SUPT3H: variants seen among roughly 807,000 people sequenced by gnomAD.
The protein encoded by SUPT3H is transcription initiation protein SPT3 homolog.
Under a neutral mutation model 44.3 loss-of-function variants are expected in SUPT3H, and 44 were observed. The observed-to-expected ratio is 0.99, with a 90% CI of 0.78 to 1.28. The LOEUF is 1.28. Ranked by LOEUF, SUPT3H falls within the 50% of genes most tolerant of loss-of-function variation. The probability of loss-of-function intolerance (pLI) is 0.00; values close to 1 mark genes in which losing one functional copy is unlikely to be tolerated. For synonymous variants in SUPT3H, 124 were observed against 125.6 expected, an observed-to-expected ratio of 0.99 and a Z score of 0.09; for missense variants, 380 against 387.1, an observed-to-expected ratio of 0.98 and a Z score of 0.15.
intron 2 of SUPT3H, among the ~76,000 whole-genome samples, chr6:45,166,550 A>G (rs2153603899): frequency 7.0e-6 from 1 of 143,260 alleles, no homozygotes; most frequent in Middle Eastern, 3.6e-3. Flanking sequence ...GGGCCACTGC[A>G]CTCCAGCCTG....
intron 3 of SUPT3H, chr6:45,098,915 G>A: frequency 1.9e-6 from 1 of 527,580 alleles, no homozygotes; most frequent in South Asian, 1.4e-5. Flanking sequence ...ATAAAATGGG[G>A]AAGATCCCAA....
chr6:44,857,346 T>C lies in SUPT3H; in HGVS notation c.913-27489A>G, dbSNP rs1268816171. Among the ~76,000 whole-genome samples the C allele has an allele frequency of 2.6e-5, 4 of 152,170 alleles. No individual in the cohort carries two copies. The East Asian group carries it at 5.8e-4, about 22-fold the overall frequency. On this transcript the variant is annotated intron_variant, in intron 10 of 10. Transcript: ENST00000371459. ...CACATTCTCTTAAGCTCGTATGGGT[T>C]TGTGAAAGAAAGGGATGTTCTACTG...
intron 5 of SUPT3H, among the ~76,000 whole-genome samples, chr6:45,011,548 T>C (rs1315899822): frequency 6.6e-6 from 1 of 151,918 alleles, no homozygotes; most frequent in East Asian, 1.9e-4. Context: ...ACTTACCTCA[T>C]TCGTGTCATT....
In SUPT3H at chr6:45,237,264, T is replaced by C. The variant is rs563540159; in HGVS notation, c.101+127937A>G. Among the ~76,000 whole-genome samples, 8 of 152,196 alleles carry C rather than the reference T, an allele frequency of 5.3e-5. No individual in the cohort carries two copies. The East Asian group carries it at 5.8e-4, about 11-fold the overall frequency. ...ACATTTCAATCATTTCTCTACAGCA[T>C]TGGCTGTTCACGTAGTCAATTCAAC... On this transcript the variant is annotated intron_variant, in intron 2 of 10. Transcript: ENST00000371459.
At chr6:44,927,247 A>C (rs957523588) in intron 10 of SUPT3H, among the ~76,000 whole-genome samples, 1 of 152,172 alleles carries the variant, frequency 6.6e-6, no homozygotes, top group Non-Finnish European at 1.5e-5. Flanking sequence ...CTAAATTATT[A>C]ATATGTATAT....
intron 2 of SUPT3H, among the ~76,000 whole-genome samples, chr6:45,196,242 A>T (rs1815996409): frequency 6.6e-6 from 1 of 152,030 alleles, no homozygotes; most frequent in South Asian, 2.1e-4. Context: ...CAGCTGTTTA[A>T]AATTTATTTT....
intron 5 of SUPT3H, among the ~76,000 whole-genome samples, chr6:45,009,811 G>A (rs1381194706): frequency 6.6e-6 from 1 of 152,112 alleles, no homozygotes; most frequent in Admixed American, 6.6e-5. Flanking sequence ...ACCTAGATGA[G>A]TCATTTCCAT....
At chr6:44,888,567 C>G (rs144896060) in intron 10 of SUPT3H, among the ~76,000 whole-genome samples, 50,943 of 151,956 alleles carry the variant, frequency 0.34, 9,485 homozygotes, top group Admixed American at 0.41. Context: ...ATTCAACAAC[C>G]CTTCATGCTA....
intron 6 of SUPT3H, among the ~76,000 whole-genome samples, chr6:44,994,674 A>G (rs73447433): frequency 0.12 from 17,843 of 152,062 alleles, 1,235 homozygotes; most frequent in African/African-American, 0.19. Context: ...GGACAAAGGC[A>G]TTCTCTCTCC....
chr6:45,074,340 G>T (rs1051399257), intron 3 of SUPT3H, among the ~76,000 whole-genome samples: 3 of 151,668 alleles, frequency 2.0e-5, no homozygotes, highest in African/African-American at 7.3e-5. Flanking sequence ...TTGACCTTTG[G>T]GTATGCAAAG....
chr6:45,178,330 A>C (rs1446950085), intron 2 of SUPT3H, among the ~76,000 whole-genome samples: 2 of 152,178 alleles, frequency 1.3e-5, no homozygotes, highest in Non-Finnish European at 2.9e-5. Context: ...GCCATTACAT[A>C]ATGGTAAAGG....
chr6:45,067,532 C>T (rs1429358797), intron 3 of SUPT3H, among the ~76,000 whole-genome samples: 1 of 150,766 alleles, frequency 6.6e-6, no homozygotes, highest in African/African-American at 2.4e-5. Context: ...AGGCAACCAA[C>T]AAAATGGGAG....
At chr6:45,345,586 T>G (rs1201766872) in intron 2 of SUPT3H, among the ~76,000 whole-genome samples, 1 of 152,146 alleles carries the variant, frequency 6.6e-6, no homozygotes. Flanking sequence ...TCTAATCTCA[T>G]AAATCCCCAA....
downstream of SUPT3H, among the ~76,000 whole-genome samples, chr6:44,825,429 C>T (rs1561837470): frequency 6.6e-6 from 1 of 152,164 alleles, no homozygotes; most frequent in African/African-American, 2.4e-5. Flanking sequence ...GAAATCTCTA[C>T]TCCAGTACAG....
chr6:45,291,694 T>A (rs11965520), intron 2 of SUPT3H, among the ~76,000 whole-genome samples: 33,336 of 152,030 alleles, frequency 0.22, 4,474 homozygotes, highest in Non-Finnish European at 0.31. Flanking sequence ...GAAGAAAAAT[T>A]CAGAGCTTGA....
chr6:44,845,203 T>G (rs1420365705), intron 10 of SUPT3H, among the ~76,000 whole-genome samples: 2 of 152,166 alleles, frequency 1.3e-5, no homozygotes, highest in Non-Finnish European at 2.9e-5. Flanking sequence ...ATTGAATGCT[T>G]ACTAGTACCA....
intron 2 of SUPT3H, among the ~76,000 whole-genome samples, chr6:45,137,362 T>C (rs1562530650): frequency 1.3e-5 from 2 of 151,884 alleles, no homozygotes; most frequent in African/African-American, 4.8e-5. Context: ...GGGGTAAACA[T>C]AAAAGACTCT....
chr6:45,068,946 A>G (rs1285817216), intron 3 of SUPT3H, among the ~76,000 whole-genome samples: 2 of 151,824 alleles, frequency 1.3e-5, no homozygotes, highest in Admixed American at 1.3e-4. Flanking sequence ...CTATTAAAAA[A>G]CAAAATGCTT....
intron 11 of SUPT3H, among the ~76,000 whole-genome samples, chr6:44,818,616 A>C (rs948263881): frequency 6.6e-6 from 1 of 152,240 alleles, no homozygotes; most frequent in Non-Finnish European, 1.5e-5. Flanking sequence ...AGAGACAAAC[A>C]ACCATGTTTT....
Sources: gnomAD v4.1 joint callset for allele counts (sites outside exome capture counted in the v4.1 genomes callset) on GRCh38, gnomAD v4.1.1 for gene constraint, MANE v1.5 for transcripts, NCBI Gene and HGNC (gene_info 2026-07-23, HGNC 2026-07-21) for gene names.